GRM7: variants seen among roughly 807,000 people sequenced by gnomAD.
GRM7 encodes metabotropic glutamate receptor 7.
A neutral mutation model predicts 84.5 loss-of-function variants in GRM7; 35 were observed. The observed-to-expected ratio is 0.41, with a 90% CI of 0.32 to 0.55. The LOEUF (loss-of-function observed/expected upper bound fraction) is 0.55. Among genes scored for constraint, GRM7 ranks in the 20% least tolerant of loss-of-function variants. GRM7 has a pLI of 0.19. For missense variants in GRM7, 1,003 were observed against 1,194.6 expected (o/e 0.84, Z 2.36); for synonymous variants, 487 against 455.1 (o/e 1.07, Z -0.89).
chr3:7,338,619 C>A (rs1285330770), intron 4 of GRM7, among the ~76,000 whole-genome samples: 5 of 152,110 alleles, frequency 3.3e-5, no homozygotes, highest in Non-Finnish European at 4.4e-5. Flanking sequence ...CATTTCATGA[C>A]CACATGGGGG....
At chr3:7,717,049 CAA>C (rs1345319663) in intron 9 of GRM7, among the ~76,000 whole-genome samples, 2 of 152,084 alleles carry the variant, frequency 1.3e-5, no homozygotes, top group African/African-American at 4.8e-5. Flanking sequence ...GCTAATTGTA[CAA>C]AGACTGTAAG....
chr3:7,657,705 T>A (rs1010987993), intron 8 of GRM7, among the ~76,000 whole-genome samples: 1 of 152,070 alleles, frequency 6.6e-6, no homozygotes, highest in Non-Finnish European at 1.5e-5. Flanking sequence ...CATAGTTAAG[T>A]GTAGTGGTGG....
At chr3:7,350,990 A>G (rs11131070) in intron 4 of GRM7, among the ~76,000 whole-genome samples, 41,010 of 151,986 alleles carry the variant, frequency 0.27, 6,630 homozygotes, top group African/African-American at 0.45. Flanking sequence ...AAACTTGTTT[A>G]TTCTTATATC....
intron 4 of GRM7, among the ~76,000 whole-genome samples, chr3:7,334,073 G>T (rs1701309893): frequency 6.6e-6 from 1 of 152,050 alleles, no homozygotes. Context: ...GGTCTTGCTA[G>T]GGAGCTAGAC....
At chr3:7,071,389 T>A (rs1307225838) in intron 1 of GRM7, among the ~76,000 whole-genome samples, 1 of 152,104 alleles carries the variant, frequency 6.6e-6, no homozygotes. Flanking sequence ...CCAGGCTCCA[T>A]CCCTGCTTTT....
intron 5 of GRM7, among the ~76,000 whole-genome samples, chr3:7,427,805 A>C (rs1161462880): frequency 6.6e-6 from 1 of 152,196 alleles, no homozygotes; most frequent in Non-Finnish European, 1.5e-5. Context: ...AAGACATAGC[A>C]ATCTGCACAA....
At chr3:6,993,737 G>C (rs886125579) in intron 1 of GRM7, among the ~76,000 whole-genome samples, 2 of 152,194 alleles carry the variant, frequency 1.3e-5, no homozygotes, top group African/African-American at 4.8e-5. Context: ...GCAATGGAAA[G>C]AAATAATGAA....
intron 1 of GRM7, among the ~76,000 whole-genome samples, chr3:6,974,383 G>T (rs899087718): frequency 2.6e-5 from 4 of 152,172 alleles, no homozygotes; most frequent in African/African-American, 9.7e-5. Flanking sequence ...CATCAATTTG[G>T]GAGCTGTCAG....
rs540782088 is a variant in GRM7, at chr3:7,151,813, A to T, written c.736+5145A>T. 6.6e-6 allele frequency among the ~76,000 whole-genome samples: 1 copy of T among 152,216 alleles called. No individual in the cohort carries two copies. Among genetic ancestry groups the T allele is most frequent in the East Asian group, 1.9e-4 (1 of 5,138 alleles). Reference sequence around the variant, plus strand: ...GTTTAGTACAGTTGCTTTCACTCTGAATTTACACCATTATTTCCTCTCACC... The same window carrying T: ...GTTTAGTACAGTTGCTTTCACTCTGTATTTACACCATTATTTCCTCTCACC... On this transcript the variant is annotated intron_variant, in intron 2 of 9. Coordinates refer to ENST00000357716, the MANE Select transcript of GRM7 (RefSeq NM_000844.4). The surrounding 1 kb of genome is among the most constrained non-coding windows in gnomAD (Gnocchi z 4.5).
At chr3:7,536,282 T>C (rs1476585003) in intron 7 of GRM7, among the ~76,000 whole-genome samples, 2 of 152,256 alleles carry the variant, frequency 1.3e-5, no homozygotes, top group East Asian at 3.9e-4. Flanking sequence ...AGAAAACCAA[T>C]AACTATTACC....
intron 1 of GRM7, among the ~76,000 whole-genome samples, chr3:7,077,005 A>G (rs1434562564): frequency 6.6e-6 from 1 of 152,196 alleles, no homozygotes; most frequent in South Asian, 2.1e-4. Context: ...GAGAAATGCA[A>G]ATCAAAACCA....
intron 8 of GRM7, among the ~76,000 whole-genome samples, chr3:7,611,089 T>TTTATA (rs1284518285): frequency 2.0e-5 from 3 of 152,178 alleles, no homozygotes; most frequent in Non-Finnish European, 2.9e-5. Context: ...TCCAATTTAA[T>TTTATA]TCTAATGTAT....
rs75545868 is a variant in GRM7 at position 6,984,446 on chromosome 3, A to G, written c.519+122539A>G. Among the ~76,000 whole-genome samples, 652 of 152,322 alleles carry G rather than the reference A, an allele frequency of 4.3e-3. 4 individuals carry two copies. The highest frequency in any genetic ancestry group is 0.015 in the African/African-American group (636 of 41,572). ...AATAATTACATAGATTTCATTACGT[A>G]GACTTTATTCCATCAATGGTTACTG... On this transcript the variant is annotated intron_variant, in intron 1 of 9. Coordinates refer to ENST00000357716, the MANE Select transcript of GRM7 (RefSeq NM_000844.4).
intron 2 of GRM7, among the ~76,000 whole-genome samples, chr3:7,209,434 G>A (rs1201006703): frequency 6.6e-6 from 1 of 152,164 alleles, no homozygotes; most frequent in Non-Finnish European, 1.5e-5. Flanking sequence ...GGACATAAGA[G>A]AAGGAGACCC....
chr3:7,113,240 A>G (rs935393362), intron 1 of GRM7, among the ~76,000 whole-genome samples: 2 of 152,170 alleles, frequency 1.3e-5, no homozygotes, highest in African/African-American at 4.8e-5. Flanking sequence ...ATGCATTGTC[A>G]TAGTTTAATT....
In GRM7 at chr3:7,536,165, G is replaced by A. The variant is rs1442214150; in HGVS notation, c.1516-42257G>A. ...AGAATGCTGGGACTTGGTTTCTGAA[G>A]TCTGCTCCTTTTTAGCTATCTTAAT... On this transcript the variant is annotated intron_variant, in intron 7 of 9. Coordinates refer to ENST00000357716, the MANE Select transcript of GRM7 (RefSeq NM_000844.4). 2.6e-5 allele frequency among the ~76,000 whole-genome samples: 4 copies of A among 152,176 alleles called. No individual in the cohort carries two copies. The East Asian group carries it at 7.7e-4, about 29-fold the overall frequency.
intron 2 of GRM7, among the ~76,000 whole-genome samples, chr3:7,172,550 G>A (rs998470798): frequency 4.9e-4 from 32 of 65,870 alleles, no homozygotes; most frequent in African/African-American, 1.4e-3. Flanking sequence ...CTTCCCCCCC[G>A]CCCCCCCCAC....
intron 2 of GRM7, among the ~76,000 whole-genome samples, chr3:7,285,245 A>G (rs1038580474): frequency 2.0e-5 from 3 of 152,188 alleles, no homozygotes; most frequent in Non-Finnish European, 2.9e-5. Context: ...TTAGAAGAAT[A>G]GTATTTTTTC....
chr3:7,640,752 A>AT (rs1214031969), intron 8 of GRM7, among the ~76,000 whole-genome samples: 2 of 152,210 alleles, frequency 1.3e-5, no homozygotes, highest in African/African-American at 4.8e-5. Flanking sequence ...AACTATAAAA[A>AT]TTATGAAAAT....
Sources: gnomAD v4.1 joint callset for allele counts (sites outside exome capture counted in the v4.1 genomes callset) on GRCh38, gnomAD v4.1.1 for gene constraint, Gnocchi (gnomAD v3.1) non-coding constraint, MANE v1.5 for transcripts, NCBI Gene and HGNC (gene_info 2026-07-23, HGNC 2026-07-21) for gene names.